The following COL25A1 variants were observed in gnomAD, a reference collection of about 807,000 sequenced individuals.
The protein encoded by COL25A1 is collagen alpha-1(XXV) chain.
Under a neutral mutation model 128.4 loss-of-function variants are expected in COL25A1, and 103 were observed. The observed-to-expected ratio is 0.80, with a 90% CI of 0.68 to 0.94. The LOEUF (loss-of-function observed/expected upper bound fraction) is 0.94. Among genes scored for constraint, COL25A1 ranks in the 40% least tolerant of loss-of-function variants. COL25A1 has a pLI of 0.00. For synonymous variants in COL25A1, 279 were observed against 277.2 expected, an observed-to-expected ratio of 1.01 and a Z score of -0.06; for missense variants, 745 against 840.0, an observed-to-expected ratio of 0.89 and a Z score of 1.40.
Position 109,271,569 on chromosome 4 carries a change from T to C in COL25A1, c.367+29014A>G, listed in dbSNP as rs184764356. On this transcript the variant is annotated intron_variant, in intron 3 of 37. Coordinates refer to ENST00000399132, the MANE Select transcript of COL25A1 (RefSeq NM_198721.4). ...TATCTACCATCTTGGATTTGCTCTT[T>C]GGAGGCCTAAATTTTCAAAGCCTCT... is the stretch of plus-strand genomic sequence containing the variant. Among the ~76,000 whole-genome samples the C allele has an allele frequency of 3.3e-5, 5 of 152,366 alleles. No homozygotes were observed. The East Asian group carries it at 9.7e-4, about 29-fold the overall frequency.
intron 3 of COL25A1, among the ~76,000 whole-genome samples, chr4:109,184,023 A>AAAT (rs1341881099): frequency 6.6e-6 from 1 of 152,082 alleles, no homozygotes; most frequent in Non-Finnish European, 1.5e-5. Context: ...CTGTTGTCCA[A>AAAT]AATTTTTCAG....
At chr4:108,845,135 G>T in intron 29 of COL25A1, 54 bp downstream of exon 29, 1 of 1,421,876 alleles carries the variant, frequency 7.0e-7, no homozygotes, top group Non-Finnish European at 1.0e-6. Context: ...TAAGTAACAT[G>T]TCAGTGTGTG....
At position 109,302,029 on chromosome 4, in the gene COL25A1, G is replaced by C; in HGVS notation, c.-10C>G. ...GCTTCTTCAGCAGCATCGTGGCGGG[G>C]TCGGCCGTCTCGGCTTCGCTTCCCA... On this transcript the variant is annotated 5_prime_UTR_variant, in exon 2 of 38. Coordinates refer to ENST00000399132, the MANE Select transcript of COL25A1 (RefSeq NM_198721.4). 6.4e-7 allele frequency: 1 copy of C among 1,573,050 alleles called. No individual in the cohort carries two copies. The highest frequency in any genetic ancestry group is 8.6e-7 in the Non-Finnish European group (1 of 1,163,886).
intron 5 of COL25A1, among the ~76,000 whole-genome samples, chr4:109,012,199 T>C (rs2126047586): frequency 6.6e-6 from 1 of 152,320 alleles, no homozygotes. Flanking sequence ...AAAAATTTTT[T>C]TGAGGTCTTG....
intron 3 of COL25A1, among the ~76,000 whole-genome samples, chr4:109,099,827 A>G (rs1765730103): frequency 6.6e-6 from 1 of 152,160 alleles, no homozygotes. Flanking sequence ...ACACAGAAAC[A>G]CACGAAAAAG....
chr4:109,016,931 T>A (rs1011017003), intron 5 of COL25A1, among the ~76,000 whole-genome samples: 1 of 152,190 alleles, frequency 6.6e-6, no homozygotes, highest in African/African-American at 2.4e-5. Flanking sequence ...CTGAAAGAGC[T>A]GTAACACAGA....
At chr4:109,204,280 G>A (rs1465526474) in intron 3 of COL25A1, among the ~76,000 whole-genome samples, 1 of 152,048 alleles carries the variant, frequency 6.6e-6, no homozygotes, top group Non-Finnish European at 1.5e-5. Flanking sequence ...TCCCAAAGTG[G>A]CTGGATTACT....
intron 20 of COL25A1, 35 bp from the exon 21 acceptor site, chr4:108,863,422 C>T (rs761353844): frequency 3.2e-6 from 5 of 1,567,698 alleles, no homozygotes; most frequent in East Asian, 4.5e-5. Context: ...AATGGTCATT[C>T]CCCCCACCCA....
At chr4:109,110,662 ACTTTTCCTGCTCCTC>A (rs1705949093) in intron 3 of COL25A1, among the ~76,000 whole-genome samples, 1 of 151,952 alleles carries the variant, frequency 6.6e-6, no homozygotes, top group Non-Finnish European at 1.5e-5. Flanking sequence ...TCCTGCTCCA[ACTTTTCCTGCTCCTC>A]CTTTTCCTGC....
intron 3 of COL25A1, among the ~76,000 whole-genome samples, chr4:109,261,684 A>G (rs1781455701): frequency 1.3e-5 from 2 of 150,620 alleles, no homozygotes; most frequent in African/African-American, 2.4e-5. Context: ...ATATTTTGAT[A>G]TACAATAATT....
At chr4:108,819,649 T>C (rs1731587291) in intron 35 of COL25A1, among the ~76,000 whole-genome samples, 1 of 152,152 alleles carries the variant, frequency 6.6e-6, no homozygotes, top group Non-Finnish European at 1.5e-5. Context: ...AGACGAGATG[T>C]GGAACGTATC....
intron 11 of COL25A1, among the ~76,000 whole-genome samples, chr4:108,933,851 GACACACAC>G (rs3065581): frequency 2.7e-5 from 4 of 148,662 alleles, no homozygotes; most frequent in African/African-American, 7.5e-5. Context: ...CAAGTTCACA[GACACACAC>G]ACACACACAC....
intron 13 of COL25A1, among the ~76,000 whole-genome samples, 195 bp from the exon 14 acceptor site, chr4:108,901,367 T>A (rs1742835961): frequency 6.6e-6 from 1 of 152,134 alleles, no homozygotes; most frequent in African/African-American, 2.4e-5. Flanking sequence ...GGGGTTAATT[T>A]CCTTTGTTCA....
intron 3 of COL25A1, among the ~76,000 whole-genome samples, chr4:109,300,223 C>A (rs1373795910): frequency 1.3e-5 from 2 of 151,256 alleles, no homozygotes; most frequent in Non-Finnish European, 2.9e-5. Flanking sequence ...TAAGAGCGAG[C>A]CAGGAATTCA....
intron 31 of COL25A1, among the ~76,000 whole-genome samples, chr4:108,835,424 G>GA (rs35689434): frequency 2.1e-4 from 32 of 150,396 alleles, no homozygotes; most frequent in African/African-American, 5.8e-4. Flanking sequence ...ATACAGAATG[G>GA]AAAAAAAAAT....
intron 3 of COL25A1, among the ~76,000 whole-genome samples, chr4:109,186,409 TATAA>T (rs1334961343): frequency 6.6e-6 from 1 of 152,228 alleles, no homozygotes; most frequent in African/African-American, 2.4e-5. Flanking sequence ...AGAAAAATTA[TATAA>T]ATGACAGTAA....
intron 3 of COL25A1, among the ~76,000 whole-genome samples, chr4:109,115,884 C>G (rs746162678): frequency 1.1e-4 from 17 of 151,952 alleles, no homozygotes; most frequent in Non-Finnish European, 4.4e-5. Context: ...TGAAACACCC[C>G]CTGCACCTAC....
At chr4:109,264,619 T>C (rs750873936) in intron 3 of COL25A1, among the ~76,000 whole-genome samples, 3 of 152,190 alleles carry the variant, frequency 2.0e-5, no homozygotes, top group Non-Finnish European at 4.4e-5. Context: ...CATCATTCAC[T>C]GAGAAAAGCC....
Position 108,974,369 on chromosome 4 carries a change from T to A in COL25A1, c.490A>T (p.Arg164Trp). Residue 164 changes from arginine (R) to tryptophan (W), a missense_variant and splice_region_variant, in exon 8 of 38, where the codon AGG becomes TGG. This residue lies in a region of COL25A1 where 319 missense variants were observed against 324.9 expected (regional missense o/e 0.98). Transcript: ENST00000399132. Reference sequence around the variant, plus strand: ...AAGATAGGTAGAGCACAACTTACCCTAGGTCCCTGATCACCTTGTTCTCCC... The same window carrying A: ...AAGATAGGTAGAGCACAACTTACCCAAGGTCCCTGATCACCTTGTTCTCCC... ...DKGEQGDQGP[R>W]MVFPKINHGF... 6.2e-7 allele frequency: 1 copy of A among 1,613,982 alleles called. No homozygotes were observed. Among genetic ancestry groups the A allele is most frequent in the South Asian group, 1.1e-5 (1 of 91,080 alleles).
Sources: gnomAD v4.1 joint callset for allele counts (sites outside exome capture counted in the v4.1 genomes callset) on GRCh38, gnomAD v4.1.1 for gene constraint, gnomAD v4.1.1 regional missense constraint, MANE v1.5 for transcripts, NCBI Gene and HGNC (gene_info 2026-07-23, HGNC 2026-07-21) for gene names.